Variants in METTL25 observed in about 807,000 individuals in gnomAD.
METTL25 encodes probable methyltransferase-like protein 25.
In METTL25, 64 loss-of-function variants were observed where a neutral mutation model predicts 71.6. The ratio of observed to expected loss-of-function variants is 0.89; its 90% CI spans 0.73 to 1.10. The LOEUF is 1.10. METTL25 is among the 50% of genes least tolerant of loss of function. METTL25 has a pLI of 0.00. For missense variants in METTL25, 807 were observed against 707.0 expected (o/e 1.14, Z -1.60); for synonymous variants, 287 against 250.3 (o/e 1.15, Z -1.38).
chr12:82,442,413 T>G (rs536622833), intron 8 of METTL25, among the ~76,000 whole-genome samples: 1 of 152,268 alleles, frequency 6.6e-6, no homozygotes, highest in East Asian at 1.9e-4. Context: ...AAAAGTATTG[T>G]GGATACACAC....
chr12:82,390,329 A>G (rs1322259713), intron 3 of METTL25, among the ~76,000 whole-genome samples: 2 of 152,078 alleles, frequency 1.3e-5, no homozygotes, highest in African/African-American at 4.8e-5. Flanking sequence ...GCATCATTAT[A>G]GTAACACAAA....
chr12:82,402,616 A>T (rs1196354231), intron 4 of METTL25, among the ~76,000 whole-genome samples: 1 of 152,218 alleles, frequency 6.6e-6, no homozygotes, highest in Non-Finnish European at 1.5e-5. Context: ...CTTTCTAGGT[A>T]GAATTTGATA....
At chr12:82,410,818 A>T (rs778378740) in intron 5 of METTL25, among the ~76,000 whole-genome samples, 23 of 152,030 alleles carry the variant, frequency 1.5e-4, no homozygotes, top group Non-Finnish European at 2.9e-5. Flanking sequence ...ACTAATACGG[A>T]AGCTGATCCT....
chr12:82,383,817 CT>C (rs1212870261), intron 1 of METTL25, among the ~76,000 whole-genome samples: 1 of 152,026 alleles, frequency 6.6e-6, no homozygotes, highest in African/African-American at 2.4e-5. Context: ...ATATATGACT[CT>C]TCTATCTTTG....
intron 3 of METTL25, among the ~76,000 whole-genome samples, chr12:82,393,619 C>T (rs1283553018): frequency 6.6e-6 from 1 of 152,008 alleles, no homozygotes; most frequent in Non-Finnish European, 1.5e-5. Context: ...ATATCTTTCT[C>T]TTGCCTGATT....
At chr12:82,390,099 A>T (rs959578531) in intron 3 of METTL25, among the ~76,000 whole-genome samples, 177 bp downstream of exon 3, 4 of 152,074 alleles carry the variant, frequency 2.6e-5, no homozygotes, top group African/African-American at 9.7e-5. Context: ...ATTTCCTAGT[A>T]TATTGTAATT....
At chr12:82,450,964 CTTACTA>C (rs1249014982) in intron 8 of METTL25, among the ~76,000 whole-genome samples, 2 of 151,916 alleles carry the variant, frequency 1.3e-5, no homozygotes, top group African/African-American at 4.8e-5. Context: ...TTCATCAGCT[CTTACTA>C]TCTAATATAT....
intron 6 of METTL25, among the ~76,000 whole-genome samples, chr12:82,433,400 A>G (rs1047501321): frequency 2.0e-5 from 3 of 151,664 alleles, no homozygotes; most frequent in African/African-American, 4.8e-5. Flanking sequence ...TAATATGAAA[A>G]TTATGTAATA....
intron 8 of METTL25, among the ~76,000 whole-genome samples, chr12:82,451,022 C>G (rs941044005): frequency 5.3e-5 from 8 of 152,012 alleles, no homozygotes; most frequent in Non-Finnish European, 8.8e-5. Context: ...TGATCATCTC[C>G]CATCTCAAAT....
chr12:82,404,348 G>A (rs1052534459), intron 5 of METTL25, among the ~76,000 whole-genome samples: 4 of 151,096 alleles, frequency 2.6e-5, no homozygotes, highest in Non-Finnish European at 5.9e-5. Flanking sequence ...AAAAATTAGG[G>A]TAAAAAATGA....
chr12:82,450,487 C>T (rs1157001753), intron 8 of METTL25, among the ~76,000 whole-genome samples: 1 of 152,120 alleles, frequency 6.6e-6, no homozygotes, highest in Non-Finnish European at 1.5e-5. Context: ...TTAATAATTT[C>T]CTAGTTGGTC....
chr12:82,397,605 AGT>A (rs1278748859), intron 3 of METTL25, among the ~76,000 whole-genome samples: 1 of 151,828 alleles, frequency 6.6e-6, no homozygotes, highest in East Asian at 1.9e-4. Context: ...ACTTTTAATT[AGT>A]TTTTGTGTTT....
chr12:82,408,205 A>C (rs1020790422), intron 5 of METTL25, among the ~76,000 whole-genome samples: 3 of 152,190 alleles, frequency 2.0e-5, no homozygotes, highest in African/African-American at 7.2e-5. Context: ...AGGATGACTT[A>C]TAGATATATG....
chr12:82,416,152 G>C (rs112453224), intron 5 of METTL25, among the ~76,000 whole-genome samples: 1 of 152,024 alleles, frequency 6.6e-6, no homozygotes, highest in East Asian at 1.9e-4. Flanking sequence ...TATAATCATC[G>C]TGCTGTGATT....
At chr12:82,446,036 A>C (rs139568131) in intron 8 of METTL25, among the ~76,000 whole-genome samples, 1 of 152,166 alleles carries the variant, frequency 6.6e-6, no homozygotes, top group Admixed American at 6.5e-5. Flanking sequence ...AGGGTCAGCT[A>C]TACTTACGTC....
intron 9 of METTL25, among the ~76,000 whole-genome samples, chr12:82,460,092 A>G (rs1332248746): frequency 2.0e-5 from 3 of 152,200 alleles, no homozygotes; most frequent in Non-Finnish European, 4.4e-5. Flanking sequence ...GAACTACCTC[A>G]GTTGTTAACC....
At chr12:82,417,972 C>G (rs1368474310) in intron 5 of METTL25, among the ~76,000 whole-genome samples, 1 of 152,004 alleles carries the variant, frequency 6.6e-6, no homozygotes, top group East Asian at 1.9e-4. Context: ...TTGGCCCTTT[C>G]AAGAAAGAAC....
At chr12:82,454,914 G>A (rs189857978) in intron 8 of METTL25, among the ~76,000 whole-genome samples, 2 of 151,930 alleles carry the variant, frequency 1.3e-5, no homozygotes, top group Non-Finnish European at 2.9e-5. Flanking sequence ...GCTCAGTTCT[G>A]AGCACCTTAT....
Position 82,463,340 on chromosome 12 carries a change from G to A in METTL25, c.1572+6520G>A, listed in dbSNP as rs573619687. ...AGTGAGAATATACTATGTTTTTAAC[G>A]TTCTAATCCTGGCTTATTTCACTTA... is the stretch of plus-strand genomic sequence containing the variant. On this transcript the variant is annotated intron_variant, in intron 9 of 11. Coordinates refer to ENST00000248306, the MANE Select transcript of METTL25 (RefSeq NM_032230.3). Among the ~76,000 whole-genome samples, 21 of 151,728 alleles carry A rather than the reference G, an allele frequency of 1.4e-4. 1 individual carries two copies. In the South Asian group the frequency reaches 3.5e-3, roughly 25 times the overall value.
Sources: gnomAD v4.1 joint callset for allele counts (sites outside exome capture counted in the v4.1 genomes callset) on GRCh38, gnomAD v4.1.1 for gene constraint, MANE v1.5 for transcripts, NCBI Gene and HGNC (gene_info 2026-07-23, HGNC 2026-07-21) for gene names.